Variants in GLUD1 observed in about 807,000 individuals in gnomAD.
GLUD1 encodes glutamate dehydrogenase 1.
In GLUD1, 22 loss-of-function variants were observed where a neutral mutation model predicts 56.0. That is an observed-to-expected ratio of 0.39 (90% CI 0.28 to 0.56). The LOEUF is 0.56. Ranked by LOEUF, GLUD1 falls within the 20% of genes least tolerant of loss-of-function variation. GLUD1 has a pLI of 0.58. For missense variants in GLUD1, 451 were observed against 732.0 expected, an observed-to-expected ratio of 0.62 and a Z score of 4.43; for synonymous variants, 223 against 269.9, an observed-to-expected ratio of 0.83 and a Z score of 1.70.
intron 9 of GLUD1, among the ~76,000 whole-genome samples, chr10:87,059,482 A>AC (rs1367408509): frequency 1.3e-5 from 2 of 152,128 alleles, no homozygotes; most frequent in Non-Finnish European, 2.9e-5. Context: ...TTAGGAAAAA[A>AC]AAAAAATCAT....
At chr10:87,063,079 T>G (rs1262418456) in intron 5 of GLUD1, among the ~76,000 whole-genome samples, 3 of 151,602 alleles carry the variant, frequency 2.0e-5, no homozygotes, top group Admixed American at 6.6e-5. Flanking sequence ...GTTTGTTTGT[T>G]TGTTTGTTTT....
At chr10:87,054,070 A>G (rs542349974) in intron 11 of GLUD1, among the ~76,000 whole-genome samples, 1 of 152,330 alleles carries the variant, frequency 6.6e-6, no homozygotes, top group East Asian at 1.9e-4. Flanking sequence ...CTTTCTAAAA[A>G]ATTAAGGACA....
intron 5 of GLUD1, 102 bp from the exon 6 acceptor site, chr10:87,062,937 A>C: frequency 9.3e-7 from 1 of 1,071,746 alleles, no homozygotes. Context: ...TTAATCAAAA[A>C]TATGCTAATT....
Position 87,094,605 on chromosome 10 carries a change from C to T in GLUD1, c.165G>A (p.Glu55=), listed in dbSNP as rs1446820325. ...GGTCGTCCTCGCGGTCGGCCACCGCCTCGCTGTAGTGGCGCCGGGCGGCCA... is the reference window on the plus strand; with the variant it reads ...GGTCGTCCTCGCGGTCGGCCACCGCTTCGCTGTAGTGGCGCCGGGCGGCCA... ...LALAARRHYS[E]AVADREDDPN... is the part of the protein sequence containing the mutation. Residue 55 remains glutamate, a synonymous_variant, in exon 1 of 13, where the codon GAG becomes GAA. Transcript: ENST00000277865. This position sits in a 1 kb window ranked among gnomAD's most constrained non-coding sequence, Gnocchi z 6.6. 2 of 1,610,774 alleles carry T rather than the reference C, an allele frequency of 1.2e-6. No individual in the cohort carries two copies. The highest frequency in any genetic ancestry group is 1.3e-5 in the African/African-American group (1 of 74,804).
At chr10:87,061,132 TC>T in intron 6 of GLUD1, 80 bp from the exon 7 acceptor site, 2 of 1,273,316 alleles carry the variant, frequency 1.6e-6, no homozygotes, top group Non-Finnish European at 2.3e-6. Context: ...CCAATGTAAA[TC>T]CATACTCTGT....
rs1564759937 is a variant in GLUD1 at position 87,051,863 on chromosome 10, A to G, written c.1565T>C (p.Met522Thr). The change falls in exon 13 of 13, where the codon ATG becomes ACG. Residue 522 changes from methionine (M) to threonine (T), a missense_variant. Coordinates refer to ENST00000277865, the MANE Select transcript of GLUD1 (RefSeq NM_005271.5). Reference sequence around the variant, plus strand: ...CAGGTTATACTTCATGGCTGTGCGCATAATTTGCTGAAATGAAAGAGAAAA... The same window carrying G: ...CAGGTTATACTTCATGGCTGTGCGCGTAATTTGCTGAAATGAAAGAGAAAA... Reference protein sequence around the residue: ...YTMERSARQIMRTAMKYNLGL... With the variant: ...YTMERSARQITRTAMKYNLGL... 6.2e-7 allele frequency: 1 copy of G among 1,614,196 alleles called. No individual in the cohort carries two copies. Among genetic ancestry groups the G allele is most frequent in the Non-Finnish European group, 8.5e-7 (1 of 1,180,020 alleles).
Position 87,061,032 on chromosome 10 carries a change from T to C in GLUD1, c.942A>G (p.Leu314=), listed in dbSNP as rs9421572. 0.1 allele frequency: 168,028 copies of C among 1,613,134 alleles called. 14,924 individuals are homozygous for C. Among genetic ancestry groups the C allele is most frequent in the East Asian group, 0.59 (26,525 of 44,854 alleles). Residue 314 remains leucine, a synonymous_variant, in exon 7 of 13, where the codon CTA becomes CTG. Transcript: ENST00000277865. Reference sequence around the variant, plus strand: ...AACGATGTAAATATCTCATAGAGTGTAGGCCCACATTACCAAATCCCTGTG... The same window carrying C: ...AACGATGTAAATATCTCATAGAGTGCAGGCCCACATTACCAAATCCCTGTG... ...FVVQGFGNVG[L]HSMRYLHRFG...
intron 8 of GLUD1, chr10:87,060,447 GTT>G (rs367859959): frequency 1.9e-4 from 102 of 533,858 alleles, no homozygotes; most frequent in Admixed American, 2.7e-4. Flanking sequence ...TTGTTTGCTT[GTT>G]TTTTTTTTTT....
intron 5 of GLUD1, among the ~76,000 whole-genome samples, chr10:87,065,329 G>A (rs1846048503): frequency 6.7e-6 from 1 of 148,456 alleles, no homozygotes; most frequent in South Asian, 2.2e-4. Flanking sequence ...TGCTAAATGA[G>A]CTCCTGATCT....
intron 5 of GLUD1, 56 bp downstream of exon 5, chr10:87,068,007 G>A (rs1846122430): frequency 3.0e-6 from 3 of 1,011,424 alleles, no homozygotes; most frequent in African/African-American, 1.6e-5. Context: ...CAGTCAAACT[G>A]TTAATTCTTG....
chr10:87,086,212 C>T (rs529560513), intron 1 of GLUD1, among the ~76,000 whole-genome samples: 1 of 152,270 alleles, frequency 6.6e-6, no homozygotes, highest in South Asian at 2.1e-4. Context: ...TTCCAATTTC[C>T]CTAAGGATAA....
intron 1 of GLUD1, among the ~76,000 whole-genome samples, chr10:87,080,884 C>A (rs1266673734): frequency 8.1e-6 from 1 of 123,312 alleles, no homozygotes; most frequent in African/African-American, 3.1e-5. Context: ...CCGCCCCGTC[C>A]GGGAGGTGAG....
intron 1 of GLUD1, among the ~76,000 whole-genome samples, chr10:87,093,689 G>A (rs1415490573): frequency 6.6e-6 from 1 of 152,174 alleles, no homozygotes; most frequent in Non-Finnish European, 1.5e-5. Context: ...ATATTACATT[G>A]CTTGTGATTT....
chr10:87,053,278 G>T (rs950599728), intron 12 of GLUD1, 64 bp downstream of exon 12: 1 of 1,036,258 alleles, frequency 9.7e-7, no homozygotes, highest in African/African-American at 1.6e-5. Context: ...TGGCGGCTGA[G>T]ATAGCATGGT....
At chr10:87,092,642 G>C in intron 1 of GLUD1, 3 of 978,966 alleles carry the variant, frequency 3.1e-6, no homozygotes, top group Non-Finnish European at 3.6e-6. Context: ...AAAAACAGGA[G>C]AGAGCTGGGC....
intron 1 of GLUD1, among the ~76,000 whole-genome samples, chr10:87,084,797 C>A (rs1841342539): frequency 6.6e-6 from 1 of 152,188 alleles, no homozygotes; most frequent in African/African-American, 2.4e-5. Flanking sequence ...TGCCTCAGAA[C>A]AACTCTTAAT....
chr10:87,081,583 T>A (rs1171079129), intron 1 of GLUD1, among the ~76,000 whole-genome samples: 5 of 152,090 alleles, frequency 3.3e-5, no homozygotes, highest in African/African-American at 1.2e-4. Flanking sequence ...TGGGAGACTT[T>A]TCATTTTGTT....
In GLUD1 at chr10:87,057,914, G is replaced by A; in HGVS notation, c.1403-132C>T. 6.1e-6 allele frequency: 4 copies of A among 652,880 alleles called. No individual in the cohort carries two copies. In the South Asian group the frequency reaches 6.5e-5, roughly 11 times the overall value. 40.4% of individuals were successfully genotyped at this position (652,880 alleles called of 1,614,324 possible). A position where few individuals can be genotyped will look rare whatever the true frequency, so the allele number is the denominator to read the frequency against. ...GACAGAGTCGTGGTCTGTCACCCAGGCTGGAGTGTAGAGGCGTGATCTCAG... is the reference window on the plus strand; with the variant it reads ...GACAGAGTCGTGGTCTGTCACCCAGACTGGAGTGTAGAGGCGTGATCTCAG... On this transcript the variant is annotated intron_variant, in intron 10 of 12. Transcript: ENST00000277865.
chr10:87,082,990 C>T (rs1398208338), intron 1 of GLUD1, among the ~76,000 whole-genome samples: 1 of 152,116 alleles, frequency 6.6e-6, no homozygotes, highest in African/African-American at 2.4e-5. Flanking sequence ...CCTATAATCC[C>T]AGCACTTTGG....
Sources: gnomAD v4.1 joint callset for allele counts (sites outside exome capture counted in the v4.1 genomes callset) on GRCh38, gnomAD v4.1.1 for gene constraint, Gnocchi (gnomAD v3.1) non-coding constraint, MANE v1.5 for transcripts, NCBI Gene and HGNC (gene_info 2026-07-23, HGNC 2026-07-21) for gene names.